The following INSL6 variants were observed in gnomAD, a reference collection of about 807,000 sequenced individuals.
INSL6 encodes the protein insulin like 6.
A neutral mutation model predicts 9.4 loss-of-function variants in INSL6; 16 were observed. The ratio of observed to expected loss-of-function variants is 1.70; its 90% CI spans 1.15 to 2.59. The LOEUF is 2.59. INSL6 is among the 30% of genes most tolerant of loss of function. INSL6 has a pLI of 0.00. For synonymous variants in INSL6, 154 were observed against 96.9 expected, an observed-to-expected ratio of 1.59 and a Z score of -3.46; for missense variants, 391 against 257.3, an observed-to-expected ratio of 1.52 and a Z score of -3.56.
At chr9:4,994,943 C>T in the INSL6 span, among the ~76,000 whole-genome samples, 2 of 151,112 alleles carry the variant, frequency 1.3e-5, no homozygotes, top group African/African-American at 4.9e-5. Context: ...TTTGTCAGGG[C>T]GTGTGTGTGT....
At chr9:5,081,964 T>G in the INSL6 span, 1 of 959,182 alleles carries the variant, frequency 1.0e-6, no homozygotes, top group Non-Finnish European at 1.6e-6. Flanking sequence ...AAGGAGTGCT[T>G]GTAGAAAAAA....
intron 1 of INSL6, among the ~76,000 whole-genome samples, chr9:5,177,429 T>C (rs1272605518): frequency 2.6e-5 from 4 of 152,266 alleles, no homozygotes; most frequent in African/African-American, 7.2e-5. Context: ...GAGATCCCAT[T>C]GTGAGCCCAT....
At chr9:5,085,822 G>A in the INSL6 span, 1 of 759,572 alleles carries the variant, frequency 1.3e-6, no homozygotes, top group Non-Finnish European at 2.5e-6. Flanking sequence ...ATAATTGATC[G>A]AAAGGCTTTT....
the INSL6 span, chr9:5,114,052 C>T: frequency 1.5e-5 from 5 of 327,560 alleles, no homozygotes; most frequent in African/African-American, 4.3e-5. Flanking sequence ...GATGAGCTGG[C>T]CTCCACACAA....
the INSL6 span, among the ~76,000 whole-genome samples, chr9:5,037,988 A>C: frequency 6.6e-6 from 1 of 152,230 alleles, no homozygotes; most frequent in Non-Finnish European, 1.5e-5. Flanking sequence ...ATGAATATAT[A>C]GCGTCACTAG....
intron 1 of INSL6, among the ~76,000 whole-genome samples, chr9:5,184,838 C>T (rs186678658): frequency 8.2e-4 from 125 of 152,270 alleles, no homozygotes; most frequent in Non-Finnish European, 1.2e-3. Context: ...TTTTCATGGC[C>T]CTTTCCTGCT....
chr9:5,095,371 A>C, the INSL6 span, among the ~76,000 whole-genome samples: 1 of 152,014 alleles, frequency 6.6e-6, no homozygotes, highest in East Asian at 1.9e-4. Context: ...TAAAAAAACA[A>C]ATCTCCACTC....
chr9:5,139,829 C>A (rs1169400719), intron 2 of INSL6, among the ~76,000 whole-genome samples: 2 of 152,106 alleles, frequency 1.3e-5, no homozygotes, highest in Non-Finnish European at 2.9e-5. Context: ...AAGAAATGAG[C>A]CTAGGTTGTA....
At position 5,139,200 on chromosome 9, in the gene INSL6, T is replaced by C. The variant is rs115982723; in HGVS notation, c.377-5608A>G. On this transcript the variant is annotated intron_variant, in intron 2 of 3. Coordinates refer to the INSL6 transcript ENST00000649639. ...TTAAAAATGCTGCCTTTTAAAAGAA[T>C]TGGAGGCATTCTAATGGGTGTGTAG... Among the ~76,000 whole-genome samples the C allele has an allele frequency of 6.9e-3, 1,052 of 152,266 alleles. 14 individuals carry two copies. The highest frequency in any genetic ancestry group is 0.025 in the African/African-American group (1,021 of 41,564).
At chr9:5,102,807 GA>G in the INSL6 span, among the ~76,000 whole-genome samples, 1 of 152,120 alleles carries the variant, frequency 6.6e-6, no homozygotes, top group African/African-American at 2.4e-5. Flanking sequence ...CTTCATAAGT[GA>G]AGGAGAAATA....
chr9:5,177,045 G>A (rs932860143), intron 1 of INSL6, among the ~76,000 whole-genome samples: 4 of 152,278 alleles, frequency 2.6e-5, no homozygotes, highest in African/African-American at 7.2e-5. Context: ...TGATTAGGAT[G>A]ACTTTATGTA....
At chr9:5,111,161 C>T in the INSL6 span, 2 of 790,168 alleles carry the variant, frequency 2.5e-6, no homozygotes, top group Non-Finnish European at 2.1e-6. Flanking sequence ...CTTGCTGAGT[C>T]GCACGGCAGC....
downstream of INSL6, among the ~76,000 whole-genome samples, chr9:5,120,853 A>T (rs1020126711): frequency 6.6e-6 from 1 of 152,206 alleles, no homozygotes; most frequent in African/African-American, 2.4e-5. Flanking sequence ...ATAGATTGTG[A>T]TGCTATTTAT....
the INSL6 span, among the ~76,000 whole-genome samples, chr9:5,116,588 T>A: frequency 6.6e-6 from 1 of 152,184 alleles, no homozygotes. Context: ...TCAAAAAATA[T>A]TAGTTATATG....
In INSL6 at chr9:5,130,964, C is replaced by T. The variant is rs1228682403; in HGVS notation, c.*10+2461G>A. 3.3e-5 allele frequency among the ~76,000 whole-genome samples: 5 copies of T among 151,514 alleles called. No homozygotes were observed. In the South Asian group the frequency reaches 8.3e-4, roughly 25 times the overall value. On this transcript the variant is annotated intron_variant, in intron 3 of 3. Transcript: ENST00000649639. ...CAGGATGGTCTCGATCTCCTGACCT[C>T]ATGATCCGCCCGCCTCGGCCTCCCA...
At chr9:5,062,976 CAT>C in the INSL6 span, among the ~76,000 whole-genome samples, 1 of 152,042 alleles carries the variant, frequency 6.6e-6, no homozygotes, top group South Asian at 2.1e-4. Context: ...CTTTGTTATA[CAT>C]GTTTGTAATC....
At chr9:5,080,452 T>C in the INSL6 span, 1 of 1,539,466 alleles carries the variant, frequency 6.5e-7, no homozygotes, top group East Asian at 2.3e-5. Flanking sequence ...TGATTTGTAT[T>C]TTTTAGCCCA....
chr9:5,126,326 G>C, intron 3 of INSL6: 1 of 1,578,336 alleles, frequency 6.3e-7, no homozygotes, highest in East Asian at 2.3e-5. Context: ...AAGTGGGTTT[G>C]TTTTAGGAAT....
At chr9:5,075,606 G>T in the INSL6 span, among the ~76,000 whole-genome samples, 1 of 152,100 alleles carries the variant, frequency 6.6e-6, no homozygotes, top group African/African-American at 2.4e-5. Flanking sequence ...GTTGAGACCT[G>T]CTCAGAAAAA....
Sources: gnomAD v4.1 joint callset for allele counts (sites outside exome capture counted in the v4.1 genomes callset) on GRCh38, gnomAD v4.1.1 for gene constraint, MANE v1.5 for transcripts, NCBI Gene and HGNC (gene_info 2026-07-23, HGNC 2026-07-21) for gene names.